Variants in DSN1 observed in about 807,000 individuals in gnomAD.
The protein encoded by DSN1 is DSN1 component of MIS12 kinetochore complex.
In DSN1, 31 loss-of-function variants were observed where a neutral mutation model predicts 45.7. That is an observed-to-expected ratio of 0.68 (90% confidence interval 0.51 to 0.92). The LOEUF (loss-of-function observed/expected upper bound fraction) is 0.92, where lower values mean the gene tolerates loss of function less well. Among genes scored for constraint, DSN1 ranks in the 40% least tolerant of loss-of-function variants. The pLI is 0.00. For synonymous variants in DSN1, 134 were observed against 142.3 expected, an observed-to-expected ratio of 0.94 and a Z score of 0.41; for missense variants, 394 against 414.2, an observed-to-expected ratio of 0.95 and a Z score of 0.42.
At chr20:36,765,789 G>A (rs1267505773) in intron 5 of DSN1, among the ~76,000 whole-genome samples, 1 of 133,604 alleles carries the variant, frequency 7.5e-6, no homozygotes, top group African/African-American at 2.8e-5. Context: ...CAGAGCGAGA[G>A]TCTGTCTCAA....
Position 36,770,980 on chromosome 20 carries a change from T to G in DSN1, c.248A>C (p.Gln83Pro), listed in dbSNP as rs931333886. 6.2e-6 allele frequency: 10 copies of G among 1,614,212 alleles called. No individual in the cohort carries two copies. Among genetic ancestry groups the G allele is most frequent in the Non-Finnish European group, 8.5e-6 (10 of 1,180,030 alleles). ...GTCTTGATAACTGGCAGATTGTTCT[T>G]GAGGAGACAAATGAAGGGACTTCGA... ...LQSKSLHLSP[Q>P]EQSASYQDRR... Residue 83 changes from glutamine (Q) to proline (P), a missense_variant, in exon 3 of 11, where the codon CAA becomes CCA. Coordinates refer to ENST00000373750, the MANE Select transcript of DSN1 (RefSeq NM_001145315.2).
chr20:36,758,480 A>C, intron 7 of DSN1, 78 bp downstream of exon 7: 1 of 1,254,976 alleles, frequency 8.0e-7, no homozygotes, highest in Non-Finnish European at 1.1e-6. Flanking sequence ...TACAATGCTT[A>C]CTATTCATTT....
At chr20:36,769,155 C>T (rs949895714) in intron 3 of DSN1, among the ~76,000 whole-genome samples, 4 of 152,162 alleles carry the variant, frequency 2.6e-5, no homozygotes, top group Non-Finnish European at 2.9e-5. Context: ...CCTAACCAAT[C>T]GCAAGATGTA....
At position 36,754,823 on chromosome 20, in the gene DSN1, G is replaced by A; in HGVS notation, c.901C>T (p.Gln301Ter). 6.2e-7 allele frequency: 1 copy of A among 1,613,920 alleles called. No homozygotes were observed. The highest frequency in any genetic ancestry group is 1.1e-5 in the South Asian group (1 of 91,082). Residue 301 changes from glutamine to a stop codon, truncating the protein, a stop_gained, in exon 10 of 11, where the codon CAG (glutamine) becomes TAG (stop). Transcript: ENST00000373750. LOFTEE classifies it high-confidence loss of function. ...CTTTCATCCATAAAGGCCTGCAGCT[G>A]TTTCACTGATCCTTGCAGTTCATCC... The part of the protein sequence containing the change: ...VMDELQGSVK[Q>*]LQAFMDESTQ...
intron 5 of DSN1, among the ~76,000 whole-genome samples, chr20:36,764,784 G>A (rs1987221508): frequency 6.6e-6 from 1 of 152,078 alleles, no homozygotes; most frequent in Non-Finnish European, 1.5e-5. Context: ...GCCAGGCATG[G>A]TGGTGCATGC....
At chr20:36,756,332 G>A (rs763260110) in intron 8 of DSN1, among the ~76,000 whole-genome samples, 22 of 152,114 alleles carry the variant, frequency 1.4e-4, no homozygotes, top group Non-Finnish European at 3.2e-4. Flanking sequence ...TATACCTCCG[G>A]ACTCCAGGAA....
chr20:36,751,867 G>T lies in DSN1; in HGVS notation c.*921C>A, dbSNP rs1435488736. 1 of 151,904 alleles carries T rather than the reference G, an allele frequency of 6.6e-6. No individual in the cohort carries two copies. Among genetic ancestry groups the T allele is most frequent in the East Asian group, 1.9e-4 (1 of 5,198 alleles). The allele number at this position is 151,904 out of a possible 1,614,324, so 9.4% of individuals were successfully genotyped here. A position where few individuals can be genotyped will look rare whatever the true frequency, so the allele number is the denominator to read the frequency against. ...TTATAAACAAATAGAACAATGAATA[G>T]TAGTACTTACTCCTTTCTTGTCATG... On this transcript the variant is annotated 3_prime_UTR_variant, in exon 11 of 11. Transcript: ENST00000373750.
intron 1 of DSN1, among the ~76,000 whole-genome samples, chr20:36,773,213 C>G (rs550120054): frequency 6.6e-6 from 1 of 152,170 alleles, no homozygotes; most frequent in Non-Finnish European, 1.5e-5. Flanking sequence ...GCTATGTAAG[C>G]GCTTTACTTG....
At chr20:36,761,711 A>AT (rs2148268887) in intron 6 of DSN1, among the ~76,000 whole-genome samples, 1 of 152,166 alleles carries the variant, frequency 6.6e-6, no homozygotes, top group African/African-American at 2.4e-5. Context: ...AATACAAAAA[A>AT]TAAGAACAGG....
intron 3 of DSN1, among the ~76,000 whole-genome samples, chr20:36,769,201 A>C (rs1987508332): frequency 6.6e-6 from 1 of 152,220 alleles, no homozygotes; most frequent in Non-Finnish European, 1.5e-5. Context: ...ACTTGTAAAC[A>C]ATTACTACAT....
chr20:36,770,252 T>A (rs1032776450), intron 3 of DSN1, among the ~76,000 whole-genome samples: 2 of 152,046 alleles, frequency 1.3e-5, no homozygotes, highest in African/African-American at 4.8e-5. Flanking sequence ...AAACTTTTTG[T>A]AGAGATGGGG....
At chr20:36,766,909 T>C (rs2148279645) in intron 4 of DSN1, 68 bp from the exon 5 acceptor site, 1 of 1,057,124 alleles carries the variant, frequency 9.5e-7, no homozygotes, top group South Asian at 1.5e-5. Flanking sequence ...ATTTATGTCA[T>C]TTTATGATGT....
At chr20:36,762,204 T>G (rs1987030219) in intron 6 of DSN1, among the ~76,000 whole-genome samples, 1 of 149,944 alleles carries the variant, frequency 6.7e-6, no homozygotes, top group Non-Finnish European at 1.5e-5. Context: ...CATACCGGGT[T>G]CATGCCATTC....
Position 36,770,784 on chromosome 20 carries a change from TCTGCCATACCTCA to T in DSN1, c.355+76_355+88del. 5.6e-6 allele frequency: 8 copies of T among 1,426,910 alleles called. No homozygotes were observed. The South Asian group carries it at 1.1e-4, about 19-fold the overall frequency. 88.4% of individuals were successfully genotyped at this position (1,426,910 alleles called of 1,614,324 possible). On this transcript the variant is annotated intron_variant, in intron 3 of 10. Transcript: ENST00000373750. ...AAGTCATGTCTATTCTCCCACACTTTCTGCCATACCTCACTGCCTCTTATCTGAGCTGGAACCT... is the reference window on the plus strand; with the variant it reads ...AAGTCATGTCTATTCTCCCACACTTTCTGCCTCTTATCTGAGCTGGAACCT...
At chr20:36,758,423 C>A in intron 7 of DSN1, 135 bp downstream of exon 7, 1 of 758,650 alleles carries the variant, frequency 1.3e-6, no homozygotes, top group Admixed American at 2.9e-5. Context: ...TCTCAATATG[C>A]AGCCTTCTAA....
At chr20:36,767,176 G>A (rs569483177) in intron 4 of DSN1, among the ~76,000 whole-genome samples, 12 of 151,370 alleles carry the variant, frequency 7.9e-5, no homozygotes, top group South Asian at 2.1e-4. Context: ...GCATGGTGGC[G>A]CGTGCCTGTA....
chr20:36,754,785 G>A lies in DSN1; in HGVS notation c.939C>T (p.Phe313=). ...QAFMDESTQC[F]QKVSVQLGKR... ...TACCGAGCTGTACTGACACCTTCTG[G>A]AAGCACTGGGTACTTTCATCCATAA... The change falls in exon 10 of 11, where the codon TTC becomes TTT. Residue 313 remains phenylalanine, a synonymous_variant. Transcript: ENST00000373750. 1 of 1,613,872 alleles carries A rather than the reference G, an allele frequency of 6.2e-7. No homozygotes were observed. Among genetic ancestry groups the A allele is most frequent in the African/African-American group, 1.3e-5 (1 of 75,000 alleles).
intron 9 of DSN1, 104 bp from the exon 10 acceptor site, chr20:36,754,954 C>A: frequency 6.5e-6 from 6 of 928,242 alleles, no homozygotes; most frequent in Non-Finnish European, 1.0e-5. Flanking sequence ...GCTTGCTGTT[C>A]TTTCAGCCTG....
Position 36,755,801 on chromosome 20 carries a change from C to T in DSN1, c.754G>A (p.Val252Ile). The change falls in exon 9 of 11, where the codon GTC (valine) becomes ATC (isoleucine). Residue 252 changes from valine to isoleucine, a missense_variant. Val to Ile is a conservative substitution (Grantham distance 29). Transcript: ENST00000373750. ...AGATATGTCATAGGTTCCACTTTGA[C>T]CTCAGTAATTTTGGCCTCAGTTGAT... ...RGSTEAKITE[V>I]KVEPMTYLGS... 6.2e-7 allele frequency: 1 copy of T among 1,613,066 alleles called. No homozygotes were observed. The highest frequency in any genetic ancestry group is 8.5e-7 in the Non-Finnish European group (1 of 1,179,748).
Sources: allele counts gnomAD v4.1 joint callset (sites outside exome capture counted in the v4.1 genomes callset), GRCh38; gene constraint gnomAD v4.1.1; transcripts MANE v1.5; gene names NCBI Gene and HGNC (gene_info 2026-07-23, HGNC 2026-07-21).